Variants in UNC5B observed in about 807,000 individuals in gnomAD.
The protein encoded by UNC5B is netrin receptor UNC5B.
In UNC5B, 56 loss-of-function variants were observed where a neutral mutation model predicts 103.7. That is an observed-to-expected ratio of 0.54 (90% confidence interval 0.44 to 0.67). The LOEUF is 0.67. Ranked by LOEUF, UNC5B falls within the 30% of genes least tolerant of loss-of-function variation. The probability of loss-of-function intolerance (pLI) is 0.00; values close to 1 mark genes in which losing one functional copy is unlikely to be tolerated. For synonymous variants in UNC5B, 577 were observed against 542.0 expected (o/e 1.06, Z -0.90); for missense variants, 1,194 against 1,284.5 (o/e 0.93, Z 1.08).
At position 71,293,543 on chromosome 10, in the gene UNC5B, CAAG is replaced by C; in HGVS notation, c.1913_1915del (p.Lys638del). On this transcript the variant is annotated inframe_deletion, in exon 12 of 17. Transcript: ENST00000335350. ...GTGCCCGTGACTGGATCTTTCAGCT[CAAG>C]ACCCAGGCCCACCAGGGCCACTGGG... The C allele has an allele frequency of 6.2e-7, 1 of 1,613,950 alleles. No individual in the cohort carries two copies. The highest frequency in any genetic ancestry group is 8.5e-7 in the Non-Finnish European group (1 of 1,180,038).
chr10:71,263,179 C>A (rs994770353), intron 1 of UNC5B, among the ~76,000 whole-genome samples: 3 of 152,186 alleles, frequency 2.0e-5, no homozygotes, highest in African/African-American at 7.2e-5. Context: ...AGTGGGGTTT[C>A]TCCTGCATGT....
intron 11 of UNC5B, among the ~76,000 whole-genome samples, chr10:71,292,934 G>C (rs7083384): frequency 6.6e-6 from 1 of 152,148 alleles, no homozygotes; most frequent in African/African-American, 2.4e-5. Flanking sequence ...AATTTGCAGA[G>C]AAAACTAATG....
rs900354943 is a variant in UNC5B at position 71,213,720 on chromosome 10, T to G, written c.79+656T>G. 1.5e-5 allele frequency among the ~76,000 whole-genome samples: 2 copies of G among 134,878 alleles called. No individual in the cohort carries two copies. The highest frequency in any genetic ancestry group is 5.7e-5 in the African/African-American group (2 of 34,856). 88.5% of individuals were successfully genotyped at this position (134,878 alleles called of 152,430 possible). A position where few individuals can be genotyped will look rare whatever the true frequency, so the allele number is the denominator to read the frequency against. ...TTATTATTATTATTAATTTTCTGAG[T>G]GTTGGAGAGTGTGTGTGTGTGTGTG... On this transcript the variant is annotated intron_variant, in intron 1 of 16. Coordinates refer to ENST00000335350, the MANE Select transcript of UNC5B (RefSeq NM_170744.5). This position sits in a 1 kb window ranked among gnomAD's most constrained non-coding sequence, Gnocchi z 4.1.
intron 1 of UNC5B, among the ~76,000 whole-genome samples, chr10:71,215,426 C>T (rs1309514194): frequency 1.3e-5 from 2 of 152,178 alleles, no homozygotes; most frequent in East Asian, 1.9e-4. Flanking sequence ...GGTGTCCAAG[C>T]TCCCCTCAAG....
At chr10:71,247,195 G>A (rs1278454540) in intron 1 of UNC5B, among the ~76,000 whole-genome samples, 2 of 152,226 alleles carry the variant, frequency 1.3e-5, no homozygotes, top group Non-Finnish European at 2.9e-5. Context: ...GGTTCCTTGA[G>A]ACAATAGGAT....
intron 1 of UNC5B, among the ~76,000 whole-genome samples, chr10:71,272,127 A>T (rs981211841): frequency 2.0e-5 from 3 of 152,130 alleles, no homozygotes; most frequent in African/African-American, 7.2e-5. Context: ...CCCACTCCCC[A>T]CTGAGCACAT....
At chr10:71,253,672 C>G (rs1347341566) in intron 1 of UNC5B, among the ~76,000 whole-genome samples, 3 of 152,148 alleles carry the variant, frequency 2.0e-5, no homozygotes, top group African/African-American at 7.2e-5. Context: ...GTGTCAGAAG[C>G]TGTTGGCATC....
intron 1 of UNC5B, among the ~76,000 whole-genome samples, chr10:71,275,277 G>A (rs1473540189): frequency 6.6e-6 from 1 of 152,212 alleles, no homozygotes; most frequent in Non-Finnish European, 1.5e-5. Context: ...CTTCATGTGG[G>A]AATTTTCCTG....
intron 1 of UNC5B, chr10:71,217,804 T>C (rs1843365158): frequency 6.6e-6 from 1 of 151,522 alleles, no homozygotes; most frequent in Non-Finnish European, 1.5e-5. Flanking sequence ...TCGCCGCCGC[T>C]TGTGGGGCTG....
At chr10:71,218,601 G>C (rs547083220) in intron 1 of UNC5B, among the ~76,000 whole-genome samples, 1 of 152,342 alleles carries the variant, frequency 6.6e-6, no homozygotes, top group Non-Finnish European at 1.5e-5. Context: ...TGGTGCTCCA[G>C]GGGGAGGAAG....
chr10:71,285,187 G>A, intron 3 of UNC5B, 139 bp from the exon 4 acceptor site: 1 of 942,296 alleles, frequency 1.1e-6, no homozygotes, highest in East Asian at 2.6e-5. Flanking sequence ...TGGAGAAGAG[G>A]AAATTTCCCA....
intron 1 of UNC5B, among the ~76,000 whole-genome samples, chr10:71,270,006 A>G (rs1329539407): frequency 6.6e-6 from 1 of 152,122 alleles, no homozygotes; most frequent in East Asian, 1.9e-4. Context: ...TAGAACAAGC[A>G]AGGCATGTCC....
intron 1 of UNC5B, among the ~76,000 whole-genome samples, chr10:71,267,678 G>GTGAATGAA (rs145258342): frequency 7.9e-5 from 12 of 152,172 alleles, no homozygotes; most frequent in African/African-American, 2.7e-4. Flanking sequence ...TGATGAATGA[G>GTGAATGAA]TGAATGAATG....
In UNC5B at chr10:71,287,746, C is replaced by T; in HGVS notation, c.882C>T (p.Ala294=). ...AGGGCCAGGCATTCCAGAAGACCGC[C>T]TGCACCACCATCTGCCCAGGTAAGG... The part of the protein sequence containing the change: ...FCEGQAFQKT[A]CTTICPVDGA... Residue 294 remains alanine (A), a synonymous_variant, in exon 6 of 17, where the codon GCC becomes GCT. Transcript: ENST00000335350. 5 of 1,612,922 alleles carry T rather than the reference C, an allele frequency of 3.1e-6. No homozygotes were observed. Among genetic ancestry groups the T allele is most frequent in the Non-Finnish European group, 3.4e-6 (4 of 1,179,360 alleles).
intron 1 of UNC5B, among the ~76,000 whole-genome samples, chr10:71,268,245 C>G (rs1246087057): frequency 6.6e-6 from 1 of 152,264 alleles, no homozygotes; most frequent in Non-Finnish European, 1.5e-5. Flanking sequence ...ACCATCTCTA[C>G]CTCTGTTTAT....
intron 1 of UNC5B, among the ~76,000 whole-genome samples, chr10:71,229,834 G>T (rs1281262404): frequency 1.3e-5 from 2 of 152,172 alleles, no homozygotes; most frequent in Non-Finnish European, 2.9e-5. Context: ...GCTTGAGTAA[G>T]AGCTGGTGGT....
chr10:71,223,815 G>A (rs906184876), intron 1 of UNC5B, among the ~76,000 whole-genome samples: 12 of 151,622 alleles, frequency 7.9e-5, no homozygotes, highest in Non-Finnish European at 1.5e-4. Flanking sequence ...ACAACTGGCC[G>A]TGAGGCCTGA....
rs773065694 is a variant in UNC5B, at chr10:71,291,853, G to A, written c.1684+32G>A. 9.5e-5 allele frequency: 148 copies of A among 1,559,888 alleles called. 1 individual carries two copies. The highest frequency in any genetic ancestry group is 1.2e-4 in the Non-Finnish European group (141 of 1,159,932). ...CCCTGCCCTGCTTGTGCGTCAGCCT[G>A]GCCTTAGCACCTCCTCTGTGGACTG... On this transcript the variant is annotated intron_variant, in intron 10 of 16. Coordinates refer to ENST00000335350, the MANE Select transcript of UNC5B (RefSeq NM_170744.5).
chr10:71,245,460 G>T (rs1844008718), intron 1 of UNC5B, among the ~76,000 whole-genome samples: 1 of 152,178 alleles, frequency 6.6e-6, no homozygotes, highest in African/African-American at 2.4e-5. Flanking sequence ...GTAGGGCCTG[G>T]TGGTACAGAC....
Sources: allele counts gnomAD v4.1 joint callset (sites outside exome capture counted in the v4.1 genomes callset), GRCh38; gene constraint gnomAD v4.1.1; non-coding constraint Gnocchi (gnomAD v3.1); transcripts MANE v1.5; gene names NCBI Gene and HGNC (gene_info 2026-07-23, HGNC 2026-07-21).